Variants in CEP120 observed in about 807,000 individuals in gnomAD.
The protein encoded by CEP120 is centrosomal protein 120.
Under a neutral mutation model 126.5 loss-of-function variants are expected in CEP120, and 113 were observed. The ratio of observed to expected loss-of-function variants is 0.89; its 90% CI spans 0.77 to 1.04. CEP120 has a LOEUF of 1.04. Among genes scored for constraint, CEP120 ranks in the 50% least tolerant of loss-of-function variants. The probability of loss-of-function intolerance (pLI) is 0.00; values close to 1 mark genes in which losing one functional copy is unlikely to be tolerated. For synonymous variants in CEP120, 400 were observed against 394.3 expected (o/e 1.01, Z -0.17); for missense variants, 1,230 against 1,155.7 (o/e 1.06, Z -0.93).
intron 4 of CEP120, among the ~76,000 whole-genome samples, chr5:123,404,769 T>C (rs1773531193): frequency 6.6e-6 from 1 of 152,330 alleles, no homozygotes; most frequent in Non-Finnish European, 1.5e-5. Context: ...TCCATGTAAG[T>C]CTAGGACATT....
chr5:123,411,007 T>C (rs1018101957), intron 4 of CEP120, among the ~76,000 whole-genome samples: 1 of 152,058 alleles, frequency 6.6e-6, no homozygotes, highest in African/African-American at 2.4e-5. Flanking sequence ...CAACCCAATT[T>C]AAAAATGGGC....
chr5:123,356,128 T>G (rs1769599325), intron 18 of CEP120, among the ~76,000 whole-genome samples: 2 of 152,152 alleles, frequency 1.3e-5, no homozygotes, highest in African/African-American at 4.8e-5. Flanking sequence ...TTCTGTTCCA[T>G]TGGTCTATAT....
At chr5:123,395,791 C>T (rs1772748638) in intron 5 of CEP120, among the ~76,000 whole-genome samples, 1 of 151,288 alleles carries the variant, frequency 6.6e-6, no homozygotes, top group African/African-American at 2.4e-5. Context: ...ACGCCATTCT[C>T]CTGCCTCAGC....
At chr5:123,349,003 A>G (rs898577883) in intron 19 of CEP120, among the ~76,000 whole-genome samples, 7 of 152,156 alleles carry the variant, frequency 4.6e-5, no homozygotes, top group African/African-American at 1.7e-4. Context: ...CTAAAACTGC[A>G]CTTTGCTCAA....
chr5:123,393,420 A>G lies in CEP120; in HGVS notation c.690T>C (p.Val230=). 6.2e-7 allele frequency: 1 copy of G among 1,614,086 alleles called. No homozygotes were observed. Among genetic ancestry groups the G allele is most frequent in the East Asian group, 2.2e-5 (1 of 44,868 alleles). ...FFYYSLLGND[V]TNEPFNDLIN... ...TTAAATCATTGAAGGGTTCATTTGT[A>G]ACATCATTTCCCAGTAAAGAGTAGT... is the stretch of plus-strand genomic sequence containing the variant. Residue 230 remains valine, a synonymous_variant, in exon 6 of 20, where the codon GTT becomes GTC. Transcript: ENST00000306467.
At chr5:123,372,877 T>C in intron 16 of CEP120, 105 bp from the exon 17 acceptor site, 8 of 872,818 alleles carry the variant, frequency 9.2e-6, no homozygotes, top group Non-Finnish European at 1.2e-5. Context: ...AGCATGCTCA[T>C]AGTAGAAAAT....
intron 9 of CEP120, among the ~76,000 whole-genome samples, chr5:123,387,332 T>C (rs1772098694): frequency 6.6e-6 from 1 of 152,124 alleles, no homozygotes; most frequent in Non-Finnish European, 1.5e-5. Context: ...CCTATATAAT[T>C]ATATATCCAT....
chr5:123,378,245 G>T, intron 15 of CEP120, 91 bp downstream of exon 15: 2 of 904,702 alleles, frequency 2.2e-6, no homozygotes, highest in Non-Finnish European at 3.3e-6. Flanking sequence ...TCTCTCTCGG[G>T]ACTCTTTTGC....
At chr5:123,395,918 G>A (rs1006325299) in intron 5 of CEP120, among the ~76,000 whole-genome samples, 12 of 151,074 alleles carry the variant, frequency 7.9e-5, no homozygotes, top group Admixed American at 4.0e-4. Flanking sequence ...TCCTGACCTC[G>A]TGATCCGCCC....
chr5:123,396,435 T>C lies in CEP120; in HGVS notation c.612+2701A>G, dbSNP rs540877381. 1.3e-4 allele frequency among the ~76,000 whole-genome samples: 20 copies of C among 152,240 alleles called. No individual in the cohort carries two copies. In the East Asian group the frequency reaches 3.7e-3, roughly 28 times the overall value. ...AGACATCAACCTGTGTGTTTTTTTT[T>C]TTAAACTAAACTGAAACAGTAATTT... On this transcript the variant is annotated intron_variant, in intron 5 of 19. Coordinates refer to ENST00000306467, the MANE Select transcript of CEP120 (RefSeq NM_001375405.1).
In CEP120 at chr5:123,386,552, T is replaced by A; in HGVS notation, c.1546A>T (p.Thr516Ser). 1 of 1,586,970 alleles carries A rather than the reference T, an allele frequency of 6.3e-7. No individual in the cohort carries two copies. Among genetic ancestry groups the A allele is most frequent in the African/African-American group, 1.4e-5 (1 of 73,320 alleles). ...PQSYCAFDFA[T>S]MPHQLQDTFL... ...GTGTCTTGCAGCTGATGAGGCATAG[T>A]TGCAAAATCAAATGCACAGTAAGAC... Residue 516 changes from threonine to serine, a missense_variant, in exon 10 of 20, where the codon ACT (threonine) becomes TCT (serine). Thr to Ser is a moderately conservative substitution (Grantham distance 58, BLOSUM62 1). Coordinates refer to ENST00000306467, the MANE Select transcript of CEP120 (RefSeq NM_001375405.1).
intron 9 of CEP120, among the ~76,000 whole-genome samples, chr5:123,387,534 TAC>T (rs1485612168): frequency 6.6e-6 from 1 of 152,090 alleles, no homozygotes; most frequent in Non-Finnish European, 1.5e-5. Context: ...TTCATACCAA[TAC>T]AGAGCATGGT....
At position 123,399,160 on chromosome 5, in the gene CEP120, T is replaced by C. The variant is rs1443086581; in HGVS notation, c.588A>G (p.Ile196Met). ...CCTGTTCCAACTGGGTAGCAAATGC[T>C]ATGGTCACTGACATAATAAAGGAGT... Reference protein sequence around the residue: ...CTDSFIMSVTIAFATQLEQLI... With the variant: ...CTDSFIMSVTMAFATQLEQLI... The change falls in exon 5 of 20, where the codon ATA becomes ATG. Residue 196 changes from isoleucine to methionine, a missense_variant. Physicochemically the swap from Ile to Met is conservative, Grantham distance 10. Coordinates refer to ENST00000306467, the MANE Select transcript of CEP120 (RefSeq NM_001375405.1). The C allele has an allele frequency of 6.2e-7, 1 of 1,612,020 alleles. No individual in the cohort carries two copies. The highest frequency in any genetic ancestry group is 1.7e-5 in the Admixed American group (1 of 59,968).
At chr5:123,407,414 T>C (rs1020221112) in intron 4 of CEP120, among the ~76,000 whole-genome samples, 11 of 151,936 alleles carry the variant, frequency 7.2e-5, no homozygotes, top group Non-Finnish European at 1.5e-4. Context: ...GCTATACTAA[T>C]CAAAAGAAAA....
At chr5:123,375,569 C>A (rs1234976303) in intron 16 of CEP120, among the ~76,000 whole-genome samples, 2 of 138,076 alleles carry the variant, frequency 1.4e-5, no homozygotes, top group Non-Finnish European at 3.2e-5. Context: ...GCACTCCTCC[C>A]ACCTCAGCCT....
intron 3 of CEP120, 48 bp from the exon 4 acceptor site, chr5:123,412,588 A>G: frequency 7.2e-7 from 1 of 1,387,236 alleles, no homozygotes. Context: ...ATAAGGGAAA[A>G]AACATATTGG....
intron 18 of CEP120, among the ~76,000 whole-genome samples, chr5:123,359,077 G>A (rs868143296): frequency 1.3e-5 from 2 of 152,006 alleles, no homozygotes; most frequent in Non-Finnish European, 2.9e-5. Context: ...CCCATGCTTG[G>A]CTAAATTACT....
Position 123,346,645 on chromosome 5 carries a change from C to CAAAT in CEP120, c.2831_2834dup (p.Thr946PhefsTer18). The stretch of plus-strand genomic sequence containing the variant: ...TATCCCTTTCTTCTATCAGGCGAGT[C>CAAAT]AAATAATCATCCAAACCTTCTTCCA... On this transcript the variant is annotated frameshift_variant, in exon 20 of 20. Coordinates refer to ENST00000306467, the MANE Select transcript of CEP120 (RefSeq NM_001375405.1). LOFTEE classifies it high-confidence loss of function. The CAAAT allele has an allele frequency of 1.2e-6, 2 of 1,613,988 alleles. No homozygotes were observed. Among genetic ancestry groups the CAAAT allele is most frequent in the Non-Finnish European group, 1.7e-6 (2 of 1,179,952 alleles).
intron 6 of CEP120, 94 bp from the exon 7 acceptor site, chr5:123,391,431 G>T: frequency 1.0e-6 from 1 of 979,142 alleles, no homozygotes; most frequent in Non-Finnish European, 1.5e-6. Flanking sequence ...AATGATGCAT[G>T]GAAAGAAAAT....
Sources: gnomAD v4.1 joint callset for allele counts (sites outside exome capture counted in the v4.1 genomes callset) on GRCh38, gnomAD v4.1.1 for gene constraint, MANE v1.5 for transcripts, NCBI Gene and HGNC (gene_info 2026-07-23, HGNC 2026-07-21) for gene names.